Variants in PSG2 observed in about 807,000 individuals in gnomAD.
PSG2 encodes the protein pregnancy specific beta-1-glycoprotein 2, also known as pregnancy-specific beta-1-glycoprotein 2.
In PSG2, 49 loss-of-function variants were observed where a neutral mutation model predicts 36.2. The observed-to-expected ratio is 1.35, with a 90% confidence interval of 1.08 to 1.72. The LOEUF (loss-of-function observed/expected upper bound fraction) is 1.72, where lower values mean the gene tolerates loss of function less well. Among genes scored for constraint, PSG2 ranks in the 40% most tolerant of loss-of-function variants. The pLI, the probability that PSG2 is intolerant of heterozygous loss-of-function variation, is 0.00. For missense variants in PSG2, 605 were observed against 407.2 expected, an observed-to-expected ratio of 1.49 and a Z score of -4.18; for synonymous variants, 261 against 155.6, an observed-to-expected ratio of 1.68 and a Z score of -5.04.
chr19:43,066,560 T>C lies in PSG2; in HGVS notation c.1005A>G (p.Thr335=). 2 of 1,597,714 alleles carry C rather than the reference T, an allele frequency of 1.3e-6. No individual in the cohort carries two copies. Among genetic ancestry groups the C allele is most frequent in the Non-Finnish European group, 1.7e-6 (2 of 1,165,890 alleles). Residue 335 remains threonine, a synonymous_variant, in exon 5 of 6, where the codon ACA becomes ACG. Transcript: ENST00000406487. ...TACAGAAATGACATCACAGCTGCTA[T>C]GTTGGATTAAGGAGAGGAAGAAGTC... ...RIGLLPLLNP[T]
At chr19:43,065,344 A>G (rs1338632685) in intron 5 of PSG2, 11 of 151,658 alleles carry the variant, frequency 7.3e-5, no homozygotes, top group Non-Finnish European at 1.3e-4. Context: ...ATGTATGTTG[A>G]AAAAGGTCCT....
At chr19:43,064,830 C>A (rs1311028432) in intron 5 of PSG2, among the ~76,000 whole-genome samples, 2 of 151,644 alleles carry the variant, frequency 1.3e-5, no homozygotes, top group Non-Finnish European at 1.5e-5. Context: ...TTAGAATACT[C>A]ATTAAAAAAA....
chr19:43,079,377 A>T (rs577256469), intron 2 of PSG2, among the ~76,000 whole-genome samples: 1 of 151,368 alleles, frequency 6.6e-6, no homozygotes, highest in Non-Finnish European at 1.5e-5. Context: ...GGGATGAAAC[A>T]TGGGTGTCAG....
At chr19:43,067,036 G>A (rs1283346063) in intron 4 of PSG2, among the ~76,000 whole-genome samples, 3 of 151,366 alleles carry the variant, frequency 2.0e-5, no homozygotes, top group African/African-American at 7.3e-5. Flanking sequence ...ACCACCTCTT[G>A]TGCACAGAAA....
intron 4 of PSG2, among the ~76,000 whole-genome samples, chr19:43,068,310 G>A (rs1416467366): frequency 1.3e-5 from 2 of 151,324 alleles, no homozygotes; most frequent in East Asian, 1.9e-4. Context: ...ATGTTGACAT[G>A]CACCTGTAGT....
In PSG2 at chr19:43,081,035, C is replaced by A; in HGVS notation, c.276G>T (p.Gly92=). Residue 92 remains glycine, a synonymous_variant, in exon 2 of 6, where the codon GGG becomes GGT. Transcript: ENST00000406487. The part of the protein sequence containing the change: ...YVVDGQIIIY[G]PAYSGRETAY... ...CTGTTTCTCGTCCACTATATGCAGG[C>A]CCATATATAATTATTTGACCGTCTA... 1.9e-6 allele frequency: 3 copies of A among 1,612,890 alleles called. No homozygotes were observed. Among genetic ancestry groups the A allele is most frequent in the Non-Finnish European group, 2.5e-6 (3 of 1,179,670 alleles).
rs1568510549 is a variant in PSG2, at chr19:43,067,583, G to GCT, written c.965-984_965-983insAG. The stretch of plus-strand genomic sequence containing the variant: ...GTCAGGTAGACATTATTTCCATTTT[G>GCT]GCAATGAAAAGACAGAAGCTTAGCG... On this transcript the variant is annotated intron_variant, in intron 4 of 5. Transcript: ENST00000406487. Among the ~76,000 whole-genome samples, 454 of 151,146 alleles carry GCT rather than the reference G, an allele frequency of 3.0e-3. 3 individuals are homozygous for GCT. The highest frequency in any genetic ancestry group is 0.011 in the African/African-American group (433 of 40,760).
chr19:43,066,272 T>A (rs1967738179), intron 5 of PSG2, among the ~76,000 whole-genome samples: 1 of 151,668 alleles, frequency 6.6e-6, no homozygotes, highest in South Asian at 2.1e-4. Flanking sequence ...TGAAATTGTG[T>A]TTCTCATTTG....
At chr19:43,073,285 T>A (rs1346645559) in intron 3 of PSG2, among the ~76,000 whole-genome samples, 1 of 151,690 alleles carries the variant, frequency 6.6e-6, no homozygotes, top group Non-Finnish European at 1.5e-5. Context: ...TAGAACAGAG[T>A]GCAAGGAATG....
At chr19:43,064,975 G>T (rs1193056996) in intron 5 of PSG2, among the ~76,000 whole-genome samples, 1 of 151,670 alleles carries the variant, frequency 6.6e-6, no homozygotes, top group Non-Finnish European at 1.5e-5. Context: ...GGGACTACAG[G>T]TGCCTGCCAC....
intron 1 of PSG2, chr19:43,081,837 GTT>G (rs58620361): frequency 4.6e-5 from 7 of 150,828 alleles, no homozygotes; most frequent in East Asian, 3.9e-4. Flanking sequence ...CACCCTTGGT[GTT>G]TTTTTTTTTC....
chr19:43,079,608 G>A (rs1319981022), intron 2 of PSG2, among the ~76,000 whole-genome samples: 2 of 151,690 alleles, frequency 1.3e-5, no homozygotes, highest in African/African-American at 2.4e-5. Flanking sequence ...TCATGACAGT[G>A]ACATGGACAC....
At position 43,070,960 on chromosome 19, in the gene PSG2, A is replaced by T. The variant is rs572533980; in HGVS notation, c.964+740T>A. Reference sequence around the variant, plus strand: ...ATTTCTCTAGCTCTGCATCAGTCACAGTCCTCCATGCTGTGTCCCACGTAC... The same window carrying T: ...ATTTCTCTAGCTCTGCATCAGTCACTGTCCTCCATGCTGTGTCCCACGTAC... On this transcript the variant is annotated intron_variant, in intron 4 of 5. Coordinates refer to ENST00000406487, the MANE Select transcript of PSG2 (RefSeq NM_031246.4). Among the ~76,000 whole-genome samples, 78 of 151,762 alleles carry T rather than the reference A, an allele frequency of 5.1e-4. 4 individuals are homozygous for T. The highest frequency in any genetic ancestry group is 6.8e-3 in the Middle Eastern group (2 of 294).
At position 43,066,594 on chromosome 19, in the gene PSG2, G is replaced by C. The variant is rs1967742564; in HGVS notation, c.971C>G (p.Thr324Arg). The C allele has an allele frequency of 6.3e-7, 1 of 1,598,758 alleles. No individual in the cohort carries two copies. Among genetic ancestry groups the C allele is most frequent in the Non-Finnish European group, 8.6e-7 (1 of 1,166,886 alleles). The change falls in exon 5 of 6, where the codon ACA (threonine) becomes AGA (arginine). Residue 324 changes from threonine (T) to arginine (R), a missense_variant. Coordinates refer to ENST00000406487, the MANE Select transcript of PSG2 (RefSeq NM_031246.4). Reference sequence around the variant, plus strand: ...AAGGAGAGGAAGAAGTCCTATTCTTGTAGAAGCTGTCATGGAAAGAAAAGT... The same window carrying C: ...AAGGAGAGGAAGAAGTCCTATTCTTCTAGAAGCTGTCATGGAAAGAAAAGT... ...TSLTVKVSASTRIGLLPLLNP... is the reference protein window; with the variant it reads ...TSLTVKVSASRRIGLLPLLNP...
At chr19:43,068,925 A>C (rs1304440370) in intron 4 of PSG2, among the ~76,000 whole-genome samples, 1 of 151,664 alleles carries the variant, frequency 6.6e-6, no homozygotes, top group Non-Finnish European at 1.5e-5. Flanking sequence ...GAGTAAAATT[A>C]TTTCTGTTTA....
In PSG2 at chr19:43,079,369, G is replaced by A. The variant is rs181813612; in HGVS notation, c.430+1512C>T. ...CTTTAGGGGCAAGAGGTAGTGGGGG[G>A]ATGAAACATGGGTGTCAGCTTCTGA... is the stretch of plus-strand genomic sequence containing the variant. On this transcript the variant is annotated intron_variant, in intron 2 of 5. Transcript: ENST00000406487. Among the ~76,000 whole-genome samples, 9 of 151,448 alleles carry A rather than the reference G, an allele frequency of 5.9e-5. 1 individual carries two copies. Among genetic ancestry groups the A allele is most frequent in the Non-Finnish European group, 1.3e-4 (9 of 67,938 alleles).
chr19:43,079,852 G>T (rs1360211340), intron 2 of PSG2, among the ~76,000 whole-genome samples: 1 of 151,624 alleles, frequency 6.6e-6, no homozygotes, highest in East Asian at 1.9e-4. Flanking sequence ...CTCACTTCTG[G>T]TGGAGGAGAG....
At chr19:43,070,410 G>A (rs1052969220) in intron 4 of PSG2, among the ~76,000 whole-genome samples, 4 of 151,640 alleles carry the variant, frequency 2.6e-5, no homozygotes, top group Non-Finnish European at 4.4e-5. Context: ...GTTCAGAGAA[G>A]CATTACTCAC....
chr19:43,072,461 C>T, intron 3 of PSG2: 1 of 1,611,632 alleles, frequency 6.2e-7, no homozygotes, highest in Admixed American at 1.7e-5. Context: ...AATGAGGATC[C>T]TGTTTTCAAT....
Sources: allele counts gnomAD v4.1 joint callset (sites outside exome capture counted in the v4.1 genomes callset), GRCh38; gene constraint gnomAD v4.1.1; transcripts MANE v1.5; gene names NCBI Gene and HGNC (gene_info 2026-07-23, HGNC 2026-07-21).